The following AVL9 variants were observed in gnomAD, a reference collection of about 807,000 sequenced individuals.
The protein encoded by AVL9 is late secretory pathway protein AVL9 homolog.
A neutral mutation model predicts 79.2 loss-of-function variants in AVL9; 49 were observed. That is an observed-to-expected ratio of 0.62 (90% CI 0.49 to 0.79). The LOEUF is 0.79. AVL9 is among the 30% of genes least tolerant of loss of function. The probability of loss-of-function intolerance (pLI) is 0.00; values close to 1 mark genes in which losing one functional copy is unlikely to be tolerated. For missense variants in AVL9, 682 were observed against 776.8 expected (o/e 0.88, Z 1.45); for synonymous variants, 299 against 280.6 (o/e 1.07, Z -0.65).
At chr7:32,523,949 G>A (rs1467927934) in intron 1 of AVL9, among the ~76,000 whole-genome samples, 1 of 151,758 alleles carries the variant, frequency 6.6e-6, no homozygotes, top group African/African-American at 2.4e-5. Flanking sequence ...TAGCCAGGAT[G>A]GTCTCGATCT....
chr7:32,587,965 C>G lies in AVL9; in HGVS notation c.*4058C>G, dbSNP rs1791868770. On this transcript the variant is annotated 3_prime_UTR_variant, in exon 16 of 16. Transcript: ENST00000318709. Reference sequence around the variant, plus strand: ...AAACTAGTTCCCTTGTATGGTAACTCCAAAGTTAAAAAATTGTGCATGTCT... The same window carrying G: ...AAACTAGTTCCCTTGTATGGTAACTGCAAAGTTAAAAAATTGTGCATGTCT... The G allele has an allele frequency of 6.6e-6, 1 of 152,030 alleles. No homozygotes were observed. The allele number at this position is 152,030 out of a possible 1,614,324, so 9.4% of individuals were successfully genotyped here. A position where few individuals can be genotyped will look rare whatever the true frequency, so the allele number is the denominator to read the frequency against.
rs911309012 is a variant in AVL9 at position 32,503,705 on chromosome 7, C to T, written c.93+7903C>T. ...GGTTCTTTTTTTTTTTGTTTCGAGA[C>T]GGAGTCTCACTCTGCCACCCAGGCT... On this transcript the variant is annotated intron_variant, in intron 1 of 15. Coordinates refer to ENST00000318709, the MANE Select transcript of AVL9 (RefSeq NM_015060.3). Among the ~76,000 whole-genome samples, 12 of 150,494 alleles carry T rather than the reference C, an allele frequency of 8.0e-5. No homozygotes were observed. The South Asian group carries it at 8.4e-4, about 11-fold the overall frequency.
chr7:32,508,764 T>C (rs1367354105), intron 1 of AVL9, among the ~76,000 whole-genome samples: 2 of 152,254 alleles, frequency 1.3e-5, no homozygotes, highest in Non-Finnish European at 2.9e-5. Flanking sequence ...TCTGTTATGC[T>C]ACTTTGGTAT....
chr7:32,546,248 A>G (rs1341287712), intron 3 of AVL9, among the ~76,000 whole-genome samples: 1 of 152,122 alleles, frequency 6.6e-6, no homozygotes, highest in African/African-American at 2.4e-5. Context: ...TTTAAAACAT[A>G]GTACCTTGAG....
intron 11 of AVL9, among the ~76,000 whole-genome samples, chr7:32,572,870 T>C (rs1790921523): frequency 6.6e-6 from 1 of 151,984 alleles, no homozygotes; most frequent in Non-Finnish European, 1.5e-5. Context: ...GGAATTATAC[T>C]TGTTAAATGT....
At chr7:32,568,923 A>G (rs1177736636) in intron 10 of AVL9, among the ~76,000 whole-genome samples, 2 of 152,208 alleles carry the variant, frequency 1.3e-5, no homozygotes, top group East Asian at 1.9e-4. Flanking sequence ...TCAAGCAACA[A>G]AAGACATTTT....
At chr7:32,573,501 A>G in intron 12 of AVL9, 83 bp downstream of exon 12, 2 of 1,220,764 alleles carry the variant, frequency 1.6e-6, no homozygotes, top group Non-Finnish European at 2.3e-6. Flanking sequence ...TGGATTGCAC[A>G]ATAAATACAT....
At chr7:32,541,562 T>A (rs1023654052) in intron 1 of AVL9, among the ~76,000 whole-genome samples, 2 of 152,168 alleles carry the variant, frequency 1.3e-5, no homozygotes, top group Non-Finnish European at 2.9e-5. Context: ...ATCTTTGAAT[T>A]TGTGTGTATC....
In AVL9 at chr7:32,587,208, T is replaced by A. The variant is rs1259196564; in HGVS notation, c.*3301T>A. 2 of 152,216 alleles carry A rather than the reference T, an allele frequency of 1.3e-5. No homozygotes were observed. The highest frequency in any genetic ancestry group is 2.9e-5 in the Non-Finnish European group (2 of 68,036). The allele number at this position is 152,216 out of a possible 1,614,324, so 9.4% of individuals were successfully genotyped here. The stretch of plus-strand genomic sequence containing the variant: ...AGGAAGAGAGAGAAGTGAGAAATTG[T>A]TGCATGGCTGAGGAACAAGATGCTT... On this transcript the variant is annotated 3_prime_UTR_variant, in exon 16 of 16. Coordinates refer to ENST00000318709, the MANE Select transcript of AVL9 (RefSeq NM_015060.3).
chr7:32,531,526 T>A (rs1788653488), intron 1 of AVL9: 1 of 73,568 alleles, frequency 1.4e-5, no homozygotes, highest in African/African-American at 5.1e-5. Context: ...GCTTCCTTAA[T>A]CCTGAGGCAG....
chr7:32,580,297 GA>G (rs1791441532), intron 14 of AVL9, 25 bp downstream of exon 14: 2 of 1,578,162 alleles, frequency 1.3e-6, no homozygotes, highest in Non-Finnish European at 8.7e-7. Flanking sequence ...AAAATACTGG[GA>G]AAATTCTTAA....
At chr7:32,514,428 C>T (rs957447825) in intron 1 of AVL9, among the ~76,000 whole-genome samples, 9 of 152,234 alleles carry the variant, frequency 5.9e-5, no homozygotes, top group Non-Finnish European at 7.3e-5. Context: ...AAACCTCAGT[C>T]AATACTGTCA....
intron 1 of AVL9, among the ~76,000 whole-genome samples, chr7:32,503,361 GATATAT>G (rs367803456): frequency 0.013 from 1,580 of 121,380 alleles, 35 homozygotes; most frequent in African/African-American, 0.038. Context: ...GATATAGAGA[GATATAT>G]ATATATACAC....
Position 32,575,515 on chromosome 7 carries a change from C to CTT in AVL9, c.1571-432_1571-431dup, listed in dbSNP as rs34398970. On this transcript the variant is annotated intron_variant, in intron 12 of 15. Coordinates refer to ENST00000318709, the MANE Select transcript of AVL9 (RefSeq NM_015060.3). ...ACCAATTTGTGTATTCATTCTTAAT[C>CTT]TTTTTTTTTGTAGAAAAATGACATT... is the stretch of plus-strand genomic sequence containing the variant. 2.5e-3 allele frequency among the ~76,000 whole-genome samples: 348 copies of CTT among 139,194 alleles called. 1 individual carries two copies. Among genetic ancestry groups the CTT allele is most frequent in the African/African-American group, 8.3e-3 (335 of 40,350 alleles). 91.3% of individuals were successfully genotyped at this position (139,194 alleles called of 152,430 possible).
Position 32,584,042 on chromosome 7 carries a change from A to C in AVL9, c.*135A>C, listed in dbSNP as rs564493711. 1.4e-6 allele frequency: 1 copy of C among 730,914 alleles called. No homozygotes were observed. The highest frequency in any genetic ancestry group is 1.7e-5 in the African/African-American group (1 of 57,482). 45.3% of individuals were successfully genotyped at this position (730,914 alleles called of 1,614,324 possible). A position where few individuals can be genotyped will look rare whatever the true frequency, so the allele number is the denominator to read the frequency against. ...AACTGTTTACATGGATGTTGCTCTA[A>C]GTGAATGTTTCGGGATGCCGAAATG... On this transcript the variant is annotated 3_prime_UTR_variant, in exon 16 of 16. Coordinates refer to ENST00000318709, the MANE Select transcript of AVL9 (RefSeq NM_015060.3).
At chr7:32,504,777 C>A (rs564364405) in intron 1 of AVL9, among the ~76,000 whole-genome samples, 1 of 152,340 alleles carries the variant, frequency 6.6e-6, no homozygotes, top group East Asian at 1.9e-4. Context: ...GAGGAACTTT[C>A]TGGGATGGTG....
At chr7:32,507,650 T>C (rs1198775579) in intron 1 of AVL9, among the ~76,000 whole-genome samples, 1 of 152,234 alleles carries the variant, frequency 6.6e-6, no homozygotes, top group East Asian at 1.9e-4. Flanking sequence ...TATTCAACTG[T>C]TGACAGGCAT....
intron 1 of AVL9, among the ~76,000 whole-genome samples, chr7:32,540,937 C>T (rs1016293963): frequency 8.9e-6 from 1 of 112,254 alleles, no homozygotes; most frequent in Admixed American, 1.3e-4. Flanking sequence ...CTCGCTCTGT[C>T]GCCCAGGCTG....
chr7:32,585,433 G>C lies in AVL9; in HGVS notation c.*1526G>C, dbSNP rs933333771. 2.0e-5 allele frequency: 3 copies of C among 152,170 alleles called. No homozygotes were observed. The highest frequency in any genetic ancestry group is 7.2e-5 in the African/African-American group (3 of 41,430). 9.4% of individuals were successfully genotyped at this position (152,170 alleles called of 1,614,324 possible). On this transcript the variant is annotated 3_prime_UTR_variant, in exon 16 of 16. Transcript: ENST00000318709. ...GGACCTCGTGTGTTTGCCATGCTCA[G>C]CTCTCATTTGCTTTTCAAGGATACC...
Sources: allele counts gnomAD v4.1 joint callset (sites outside exome capture counted in the v4.1 genomes callset), GRCh38; gene constraint gnomAD v4.1.1; transcripts MANE v1.5; gene names NCBI Gene and HGNC (gene_info 2026-07-23, HGNC 2026-07-21).